Variants in NDRG3 observed in about 807,000 individuals in gnomAD.
NDRG3 encodes protein NDRG3.
NDRG3 carries 23 observed loss-of-function variants against 57.2 expected under a neutral mutation model. The observed-to-expected ratio is 0.40, with a 90% confidence interval of 0.29 to 0.57. NDRG3 has a LOEUF of 0.57. NDRG3 is among the 20% of genes least tolerant of loss of function. NDRG3 has a pLI of 0.42. For synonymous variants in NDRG3, 132 were observed against 162.6 expected, an observed-to-expected ratio of 0.81 and a Z score of 1.43; for missense variants, 384 against 457.3, an observed-to-expected ratio of 0.84 and a Z score of 1.46.
At chr20:36,660,538 A>ATATTTATT (rs200399384) in intron 12 of NDRG3, among the ~76,000 whole-genome samples, 154 bp from the exon 13 acceptor site, 8 of 149,940 alleles carry the variant, frequency 5.3e-5, no homozygotes, top group Non-Finnish European at 7.4e-5. Context: ...AGTGGGAGAT[A>ATATTTATT]TATTTATTTA....
chr20:36,663,102 A>G (rs1452045932), intron 12 of NDRG3, among the ~76,000 whole-genome samples: 1 of 152,216 alleles, frequency 6.6e-6, no homozygotes, highest in Non-Finnish European at 1.5e-5. Flanking sequence ...TGACCTTTAT[A>G]AAGTTGCTTC....
intron 1 of NDRG3, among the ~76,000 whole-genome samples, chr20:36,729,765 C>T (rs1226557387): frequency 2.0e-5 from 3 of 151,782 alleles, no homozygotes; most frequent in Admixed American, 6.6e-5. Flanking sequence ...TGAGCTCAAG[C>T]GATCCACCCA....
Position 36,721,708 on chromosome 20 carries a change from T to A in NDRG3, c.28A>T (p.Thr10Ser). MDELQDVQL[T>S]EIKPLLNDKN... ...TCATTTAGAAGTGGTTTGATCTCTG[T>A]GAGCTGAACATCCTGAAGTTCATCC... is the stretch of plus-strand genomic sequence containing the variant. Residue 10 changes from threonine (T) to serine (S), a missense_variant, in exon 2 of 16, where the codon ACA (threonine) becomes TCA (serine). Coordinates refer to ENST00000349004, the MANE Select transcript of NDRG3 (RefSeq NM_032013.4). The A allele has an allele frequency of 6.2e-7, 1 of 1,611,750 alleles. No homozygotes were observed.
At chr20:36,663,577 TA>T (rs1036830716) in intron 12 of NDRG3, among the ~76,000 whole-genome samples, 46 of 151,980 alleles carry the variant, frequency 3.0e-4, no homozygotes, top group African/African-American at 5.8e-4. Flanking sequence ...TAACTACTAA[TA>T]AAAAAAAGAT....
chr20:36,725,417 A>T (rs1984866629), intron 1 of NDRG3, among the ~76,000 whole-genome samples: 1 of 152,054 alleles, frequency 6.6e-6, no homozygotes, highest in African/African-American at 2.4e-5. Flanking sequence ...AGTCTGGACA[A>T]CATGGTGAAA....
chr20:36,720,010 G>A (rs1233543040), intron 2 of NDRG3, among the ~76,000 whole-genome samples: 1 of 151,124 alleles, frequency 6.6e-6, no homozygotes, highest in South Asian at 2.1e-4. Context: ...CGGAGGCTGA[G>A]GCAGAAGAAT....
In NDRG3 at chr20:36,671,109, C is replaced by T. The variant is rs944117505; in HGVS notation, c.588+232G>A. ...ACATTAACAGATGGCATTCTACTTACAGGAACAGGTAGCAGGAGATGCTGT... is the reference window on the plus strand; with the variant it reads ...ACATTAACAGATGGCATTCTACTTATAGGAACAGGTAGCAGGAGATGCTGT... On this transcript the variant is annotated intron_variant, in intron 9 of 15. Coordinates refer to ENST00000349004, the MANE Select transcript of NDRG3 (RefSeq NM_032013.4). 4.6e-5 allele frequency among the ~76,000 whole-genome samples: 7 copies of T among 152,184 alleles called. 1 individual carries two copies. The highest frequency in any genetic ancestry group is 2.4e-5 in the African/African-American group (1 of 41,450).
intron 1 of NDRG3, among the ~76,000 whole-genome samples, chr20:36,722,426 A>C (rs920222022): frequency 2.0e-5 from 3 of 152,196 alleles, no homozygotes; most frequent in South Asian, 2.1e-4. Flanking sequence ...AGGCTACTAC[A>C]TTTGCGGTAA....
At chr20:36,689,578 C>A (rs903389327) in intron 3 of NDRG3, among the ~76,000 whole-genome samples, 13 of 152,096 alleles carry the variant, frequency 8.5e-5, no homozygotes, top group African/African-American at 3.1e-4. Flanking sequence ...TGGGAGCTGT[C>A]CTTCTGTGTC....
intron 8 of NDRG3, among the ~76,000 whole-genome samples, chr20:36,679,504 A>ATT (rs1317685294): frequency 1.3e-4 from 19 of 143,030 alleles, no homozygotes; most frequent in Non-Finnish European, 1.4e-4. Flanking sequence ...TTAAATTGCA[A>ATT]TTTTTTTTTT....
At chr20:36,674,898 T>A in intron 8 of NDRG3, among the ~76,000 whole-genome samples, 1 of 128,632 alleles carries the variant, frequency 7.8e-6, no homozygotes, top group East Asian at 2.3e-4. Context: ...TTTTTTTTTT[T>A]TTTTTTTTTT....
chr20:36,703,936 T>TG (rs1433896586), intron 3 of NDRG3, among the ~76,000 whole-genome samples: 2 of 152,176 alleles, frequency 1.3e-5, no homozygotes, highest in Non-Finnish European at 2.9e-5. Flanking sequence ...TATATATGTA[T>TG]GGAAAAAAAA....
rs533301581 is a variant in NDRG3 at position 36,691,066 on chromosome 20, A to T, written c.94-2282T>A. 2.0e-5 allele frequency among the ~76,000 whole-genome samples: 3 copies of T among 152,384 alleles called. No individual in the cohort carries two copies. In the East Asian group the frequency reaches 5.8e-4, roughly 29 times the overall value. On this transcript the variant is annotated intron_variant, in intron 3 of 15. Coordinates refer to ENST00000349004, the MANE Select transcript of NDRG3 (RefSeq NM_032013.4). ...ATTTCTGTTGATGAAGCCTGTATCT[A>T]TCTTACAAAGTCTTACATTAGGTAA... is the stretch of plus-strand genomic sequence containing the variant.
chr20:36,681,603 T>A (rs1600888936), intron 7 of NDRG3, among the ~76,000 whole-genome samples: 1 of 129,728 alleles, frequency 7.7e-6, no homozygotes, highest in African/African-American at 3.1e-5. Flanking sequence ...ACCACTGCAC[T>A]CCAGCCTGGG....
At chr20:36,744,348 G>T (rs1414997018) in intron 1 of NDRG3, among the ~76,000 whole-genome samples, 1 of 152,052 alleles carries the variant, frequency 6.6e-6, no homozygotes, top group African/African-American at 2.4e-5. Flanking sequence ...CAGGAAGGAG[G>T]AACAGAAGGG....
At chr20:36,679,985 C>A (rs1016977462) in intron 8 of NDRG3, among the ~76,000 whole-genome samples, 3 of 150,236 alleles carry the variant, frequency 2.0e-5, no homozygotes, top group Non-Finnish European at 4.4e-5. Context: ...CCACCACACC[C>A]GACTAATTTT....
intron 2 of NDRG3, among the ~76,000 whole-genome samples, chr20:36,710,573 C>G (rs1325568474): frequency 2.6e-5 from 4 of 152,076 alleles, no homozygotes; most frequent in African/African-American, 4.8e-5. Flanking sequence ...CTTTGGGAAG[C>G]CGAGGCGGAT....
At chr20:36,660,078 C>G (rs372294516) in intron 13 of NDRG3, among the ~76,000 whole-genome samples, 1 of 151,680 alleles carries the variant, frequency 6.6e-6, no homozygotes, top group Admixed American at 6.6e-5. Context: ...CATGGTGGCA[C>G]GTGCCTGTAG....
chr20:36,731,161 A>G (rs1019646305), intron 1 of NDRG3, among the ~76,000 whole-genome samples: 1 of 152,156 alleles, frequency 6.6e-6, no homozygotes, highest in African/African-American at 2.4e-5. Flanking sequence ...AGAATGAGTG[A>G]GGTAAGCCTC....
Sources: allele counts gnomAD v4.1 joint callset (sites outside exome capture counted in the v4.1 genomes callset), GRCh38; gene constraint gnomAD v4.1.1; transcripts MANE v1.5; gene names NCBI Gene and HGNC (gene_info 2026-07-23, HGNC 2026-07-21).